PKP4: variants seen among roughly 807,000 people sequenced by gnomAD.
PKP4 encodes the protein plakophilin-4.
PKP4 carries 90 observed loss-of-function variants against 145.1 expected under a neutral mutation model. The observed-to-expected ratio is 0.62, with a 90% CI of 0.52 to 0.74. The LOEUF is 0.74. Ranked by LOEUF, PKP4 falls within the 30% of genes least tolerant of loss-of-function variation. PKP4 has a pLI of 0.00. For missense variants in PKP4, 1,340 were observed against 1,482.7 expected (o/e 0.90, Z 1.58); for synonymous variants, 563 against 577.2 (o/e 0.98, Z 0.35).
At chr2:158,501,421 A>G (rs1696545511) in intron 1 of PKP4, among the ~76,000 whole-genome samples, 1 of 152,190 alleles carries the variant, frequency 6.6e-6, no homozygotes, top group Non-Finnish European at 1.5e-5. Flanking sequence ...TCAGCATTCC[A>G]CAGATGCCAC....
At chr2:158,496,128 G>A (rs1309367649) in intron 1 of PKP4, among the ~76,000 whole-genome samples, 2 of 149,354 alleles carry the variant, frequency 1.3e-5, no homozygotes, top group East Asian at 2.1e-4. Context: ...CTACAGGCAC[G>A]TGCCACCACG....
At chr2:158,587,005 G>A (rs971311792) in intron 3 of PKP4, among the ~76,000 whole-genome samples, 2 of 152,148 alleles carry the variant, frequency 1.3e-5, no homozygotes, top group Non-Finnish European at 2.9e-5. Context: ...ATGAGTAATA[G>A]AATCTTTTTT....
At chr2:158,618,244 A>C (rs2051838314) in intron 4 of PKP4, among the ~76,000 whole-genome samples, 1 of 152,230 alleles carries the variant, frequency 6.6e-6, no homozygotes, top group South Asian at 2.1e-4. Context: ...TAAAGTTCAT[A>C]TTAAATAAAT....
chr2:158,544,670 C>T (rs1185533437), intron 2 of PKP4, among the ~76,000 whole-genome samples: 2 of 152,142 alleles, frequency 1.3e-5, no homozygotes, highest in African/African-American at 4.8e-5. Flanking sequence ...CACCAGGAGC[C>T]AGAAGATCCT....
chr2:158,637,971 G>A (rs906581788), intron 9 of PKP4, among the ~76,000 whole-genome samples: 1 of 152,194 alleles, frequency 6.6e-6, no homozygotes. Flanking sequence ...GCCCACCCTC[G>A]GGGCTGTCTG....
At chr2:158,504,490 A>T (rs1697032366) in intron 1 of PKP4, among the ~76,000 whole-genome samples, 1 of 152,200 alleles carries the variant, frequency 6.6e-6, no homozygotes, top group African/African-American at 2.4e-5. Context: ...TGGTTGTCTC[A>T]CTGGCAATTT....
rs145577313 is a variant in PKP4, at chr2:158,641,036, G to A, written c.1695+277G>A. 5.1e-4 allele frequency among the ~76,000 whole-genome samples: 77 copies of A among 152,152 alleles called. 1 individual carries two copies. Among genetic ancestry groups the A allele is most frequent in the African/African-American group, 1.8e-3 (74 of 41,512 alleles). On this transcript the variant is annotated intron_variant, in intron 10 of 21. Transcript: ENST00000389759. ...CATGAAGCAAAAATCAATTTAACTT[G>A]CATTTAAAAAATATTTTAGGCCAGG...
chr2:158,488,295 G>A (rs371336489), intron 1 of PKP4, among the ~76,000 whole-genome samples: 4 of 152,140 alleles, frequency 2.6e-5, no homozygotes, highest in Admixed American at 6.6e-5. Flanking sequence ...CTTCCTAGGC[G>A]CCATACCCTG....
chr2:158,644,213 G>A (rs780076795), intron 11 of PKP4, among the ~76,000 whole-genome samples: 1 of 152,180 alleles, frequency 6.6e-6, no homozygotes, highest in African/African-American at 2.4e-5. Context: ...AGCGTGGGAG[G>A]CCTATGAACA....
chr2:158,668,505 C>T (rs1398247316), intron 16 of PKP4, among the ~76,000 whole-genome samples: 1 of 152,250 alleles, frequency 6.6e-6, no homozygotes, highest in Non-Finnish European at 1.5e-5. Flanking sequence ...AGGGGACCGC[C>T]AGGCTCACTC....
chr2:158,574,038 T>TG (rs1287842441), intron 2 of PKP4, among the ~76,000 whole-genome samples: 1 of 152,250 alleles, frequency 6.6e-6, no homozygotes, highest in African/African-American at 2.4e-5. Context: ...ATGGCTCATC[T>TG]GAAAGTGCAG....
At chr2:158,466,254 A>T (rs1331874000) in intron 1 of PKP4, among the ~76,000 whole-genome samples, 1 of 152,118 alleles carries the variant, frequency 6.6e-6, no homozygotes, top group African/African-American at 2.4e-5. Flanking sequence ...TGTGCCTAGT[A>T]CCTATCCTCT....
At chr2:158,633,711 T>G (rs1292735796) in intron 8 of PKP4, among the ~76,000 whole-genome samples, 1 of 152,228 alleles carries the variant, frequency 6.6e-6, no homozygotes, top group African/African-American at 2.4e-5. Context: ...CAAATTTGAA[T>G]AAATATCTTG....
At chr2:158,635,602 AAT>A (rs1000641752) in intron 9 of PKP4, among the ~76,000 whole-genome samples, 4 of 152,158 alleles carry the variant, frequency 2.6e-5, no homozygotes, top group Non-Finnish European at 5.9e-5. Flanking sequence ...CTTTGAGTTT[AAT>A]ATGTGTCCCT....
intron 2 of PKP4, among the ~76,000 whole-genome samples, chr2:158,538,704 G>A (rs1574371628): frequency 6.6e-6 from 1 of 152,010 alleles, no homozygotes; most frequent in East Asian, 1.9e-4. Context: ...ACTACACCCA[G>A]TTAATTTTTG....
At chr2:158,484,620 C>T (rs1693899115) in intron 1 of PKP4, among the ~76,000 whole-genome samples, 1 of 152,144 alleles carries the variant, frequency 6.6e-6, no homozygotes, top group Non-Finnish European at 1.5e-5. Flanking sequence ...TCAAAGAGGG[C>T]CTTACCTAAG....
chr2:158,555,152 A>G (rs537663015), intron 2 of PKP4, among the ~76,000 whole-genome samples: 1 of 152,324 alleles, frequency 6.6e-6, no homozygotes, highest in East Asian at 1.9e-4. Flanking sequence ...CATCAGCAAA[A>G]ATGATCTGTA....
chr2:158,546,774 G>A (rs567701373), intron 2 of PKP4, among the ~76,000 whole-genome samples: 1 of 152,158 alleles, frequency 6.6e-6, no homozygotes, highest in Non-Finnish European at 1.5e-5. Flanking sequence ...CAGGCCTGGT[G>A]CATTGCAGAA....
chr2:158,514,557 A>G (rs941249152), intron 1 of PKP4, among the ~76,000 whole-genome samples: 2 of 152,266 alleles, frequency 1.3e-5, no homozygotes, highest in East Asian at 1.9e-4. Context: ...AAAGGATGTT[A>G]TCACAACTGA....
Sources: allele counts gnomAD v4.1 joint callset (sites outside exome capture counted in the v4.1 genomes callset), GRCh38; gene constraint gnomAD v4.1.1; transcripts MANE v1.5; gene names NCBI Gene and HGNC (gene_info 2026-07-23, HGNC 2026-07-21).